The following GRM8 variants were observed in gnomAD, a reference collection of about 807,000 sequenced individuals.
The protein encoded by GRM8 is metabotropic glutamate receptor 8.
A neutral mutation model predicts 87.2 loss-of-function variants in GRM8; 47 were observed. The ratio of observed to expected loss-of-function variants is 0.54; its 90% CI spans 0.43 to 0.69. The LOEUF is 0.69. Among genes scored for constraint, GRM8 ranks in the 30% least tolerant of loss-of-function variants. The pLI, the probability that GRM8 is intolerant of heterozygous loss-of-function variation, is 0.00. For missense variants in GRM8, 1,019 were observed against 1,139.2 expected (o/e 0.89, Z 1.52); for synonymous variants, 396 against 404.5 (o/e 0.98, Z 0.25).
chr7:126,552,600 C>A (rs1040656148), intron 8 of GRM8, among the ~76,000 whole-genome samples: 4 of 152,164 alleles, frequency 2.6e-5, no homozygotes, highest in Middle Eastern at 3.4e-3. Context: ...ATCCAGTTAA[C>A]CTAACTCTGA....
At chr7:127,139,663 A>G (rs776965729) in intron 2 of GRM8, among the ~76,000 whole-genome samples, 1 of 151,986 alleles carries the variant, frequency 6.6e-6, no homozygotes, top group Non-Finnish European at 1.5e-5. Flanking sequence ...CATCATTACG[A>G]TTGTTTTCCT....
At chr7:126,554,182 T>C (rs1053211031) in intron 8 of GRM8, among the ~76,000 whole-genome samples, 4 of 152,060 alleles carry the variant, frequency 2.6e-5, no homozygotes, top group African/African-American at 9.7e-5. Flanking sequence ...CTTTAATTAC[T>C]AAATGTGTAA....
intron 3 of GRM8, among the ~76,000 whole-genome samples, chr7:127,085,703 T>C (rs997050682): frequency 3.9e-5 from 6 of 152,348 alleles, no homozygotes; most frequent in Middle Eastern, 3.4e-3. Context: ...TTCTGGATAT[T>C]AGCCCTTTGT....
intron 7 of GRM8, among the ~76,000 whole-genome samples, chr7:126,716,610 T>C (rs540737359): frequency 1.3e-5 from 2 of 152,180 alleles, no homozygotes; most frequent in Non-Finnish European, 2.9e-5. Flanking sequence ...ATCATCCTGA[T>C]GCATGCTCTC....
At chr7:126,458,289 T>C (rs1256788601) in intron 9 of GRM8, among the ~76,000 whole-genome samples, 2 of 151,276 alleles carry the variant, frequency 1.3e-5, no homozygotes, top group African/African-American at 2.4e-5. Flanking sequence ...TTTTAAATTG[T>C]ATTCTCAAAA....
At chr7:127,075,083 T>G (rs999649226) in intron 3 of GRM8, among the ~76,000 whole-genome samples, 58 of 152,224 alleles carry the variant, frequency 3.8e-4, no homozygotes, top group African/African-American at 1.3e-3. Context: ...CTTACTCATT[T>G]TGTATAAAGG....
intron 8 of GRM8, among the ~76,000 whole-genome samples, chr7:126,594,573 C>T (rs1252832917): frequency 6.6e-6 from 1 of 151,792 alleles, no homozygotes; most frequent in Non-Finnish European, 1.5e-5. Context: ...GGGCTTGGGT[C>T]ATTGAAGGAT....
intron 6 of GRM8, among the ~76,000 whole-genome samples, chr7:126,857,359 A>T (rs1797781483): frequency 1.3e-5 from 2 of 152,210 alleles, no homozygotes; most frequent in Non-Finnish European, 2.9e-5. Flanking sequence ...AAAGAAAGGA[A>T]GTTGAATATC....
At chr7:127,170,994 A>T (rs1450027776) in intron 2 of GRM8, among the ~76,000 whole-genome samples, 10 of 147,952 alleles carry the variant, frequency 6.8e-5, no homozygotes, top group South Asian at 2.1e-4. Flanking sequence ...ATATTGAAAT[A>T]AAAAAAATGA....
At chr7:127,006,339 C>T (rs904824713) in intron 3 of GRM8, among the ~76,000 whole-genome samples, 3 of 151,924 alleles carry the variant, frequency 2.0e-5, no homozygotes, top group African/African-American at 2.4e-5. Flanking sequence ...TTTCCATTTG[C>T]ATGTAAACAT....
chr7:126,958,689 C>A lies in GRM8; in HGVS notation c.728-54006G>T, dbSNP rs17865344. Among the ~76,000 whole-genome samples the A allele has an allele frequency of 3.6e-3, 547 of 152,272 alleles. 4 individuals carry two copies. The East Asian group carries it at 0.053, about 15-fold the overall frequency. ...ACAGGCCCTGTGGGAGCAAGTAATA[C>A]TCAGGCAGAAGGCACCACCCACCAC... On this transcript the variant is annotated intron_variant, in intron 3 of 10. Transcript: ENST00000339582.
At chr7:126,577,956 C>T (rs1490842551) in intron 8 of GRM8, among the ~76,000 whole-genome samples, 2 of 152,148 alleles carry the variant, frequency 1.3e-5, no homozygotes, top group Non-Finnish European at 2.9e-5. Flanking sequence ...CCCTCCTTTT[C>T]ATCTCCTAAT....
intron 7 of GRM8, among the ~76,000 whole-genome samples, chr7:126,693,404 T>C (rs1007090650): frequency 6.6e-6 from 1 of 152,314 alleles, no homozygotes; most frequent in East Asian, 1.9e-4. Flanking sequence ...CAGATGATCA[T>C]TGTAATGAAT....
intron 3 of GRM8, among the ~76,000 whole-genome samples, chr7:127,042,848 T>C (rs1008827024): frequency 6.6e-5 from 10 of 152,122 alleles, no homozygotes; most frequent in Non-Finnish European, 1.0e-4. Flanking sequence ...GGGAGAAACT[T>C]TTTGCAATCT....
At chr7:126,901,417 G>A (rs561336653) in intron 6 of GRM8, among the ~76,000 whole-genome samples, 13 of 152,252 alleles carry the variant, frequency 8.5e-5, no homozygotes, top group African/African-American at 2.6e-4. Context: ...ATTATGGAGT[G>A]TCCATCTCCC....
At chr7:126,527,809 C>G (rs1814099371) in intron 9 of GRM8, among the ~76,000 whole-genome samples, 2 of 152,332 alleles carry the variant, frequency 1.3e-5, no homozygotes, top group East Asian at 3.9e-4. Context: ...TCAGGAACAA[C>G]TCTGTCCTCT....
intron 6 of GRM8, among the ~76,000 whole-genome samples, chr7:126,852,600 T>G (rs887786365): frequency 2.6e-5 from 4 of 152,172 alleles, no homozygotes; most frequent in Admixed American, 2.0e-4. Flanking sequence ...ATTGCTTTTG[T>G]GCCAAATTGG....
intron 9 of GRM8, among the ~76,000 whole-genome samples, chr7:126,448,996 T>C (rs1319379180): frequency 6.6e-6 from 1 of 151,792 alleles, no homozygotes. Context: ...GGCACAAGTT[T>C]ACCTATATAA....
chr7:126,658,077 TAA>T (rs1585403554), intron 7 of GRM8, among the ~76,000 whole-genome samples: 2 of 152,228 alleles, frequency 1.3e-5, no homozygotes, highest in East Asian at 3.8e-4. Flanking sequence ...CTAGAGCTTT[TAA>T]AAGTCATATG....
Sources: gnomAD v4.1 joint callset for allele counts (sites outside exome capture counted in the v4.1 genomes callset) on GRCh38, gnomAD v4.1.1 for gene constraint, MANE v1.5 for transcripts, NCBI Gene and HGNC (gene_info 2026-07-23, HGNC 2026-07-21) for gene names.